ANKRD11: variants seen among roughly 807,000 people sequenced by gnomAD.
ANKRD11 encodes ankyrin repeat domain-containing protein 11.
In ANKRD11, 17 loss-of-function variants were observed where a neutral mutation model predicts 195.7. The ratio of observed to expected loss-of-function variants is 0.09; its 90% CI spans 0.06 to 0.13. The LOEUF (loss-of-function observed/expected upper bound fraction) is 0.13. ANKRD11 is among the 10% of genes least tolerant of loss of function. The pLI is 1.00. For missense variants in ANKRD11, 3,735 were observed against 3,566.1 expected, an observed-to-expected ratio of 1.05 and a Z score of -1.21; for synonymous variants, 1,953 against 1,528.1, an observed-to-expected ratio of 1.28 and a Z score of -6.49.
intron 2 of ANKRD11, among the ~76,000 whole-genome samples, chr16:89,369,202 A>G (rs2040084685): frequency 6.6e-6 from 1 of 152,200 alleles, no homozygotes; most frequent in African/African-American, 2.4e-5. Flanking sequence ...AATATGAAAC[A>G]ATAATCTTCA....
intron 2 of ANKRD11, among the ~76,000 whole-genome samples, chr16:89,385,966 GA>G (rs2040891300): frequency 2.0e-5 from 3 of 152,214 alleles, no homozygotes; most frequent in African/African-American, 7.2e-5. Flanking sequence ...CAGCAGTCCA[GA>G]ACTCCCTGGC....
chr16:89,271,421 G>C, intron 11 of ANKRD11: 1 of 228,652 alleles, frequency 4.4e-6, no homozygotes, highest in South Asian at 5.6e-5. Context: ...TTTTAGTAGA[G>C]ACGGGGTTTC....
intron 1 of ANKRD11, among the ~76,000 whole-genome samples, chr16:89,447,061 C>T (rs769322179): frequency 6.6e-6 from 1 of 152,106 alleles, no homozygotes; most frequent in Non-Finnish European, 1.5e-5. Context: ...CCCCACCCTA[C>T]GAAGACACTG....
Position 89,351,277 on chromosome 16 carries a change from C to A in ANKRD11, c.-59-34199G>T, listed in dbSNP as rs151315024. On this transcript the variant is annotated intron_variant, in intron 2 of 12. Transcript: ENST00000301030. ...ATGCCCATCACCCCACGCCCACAGG[C>A]CGCCAAACACATCTGGAAAAGCAGA... 2.3e-3 allele frequency among the ~76,000 whole-genome samples: 357 copies of A among 152,252 alleles called. 1 individual carries two copies. Among genetic ancestry groups the A allele is most frequent in the African/African-American group, 7.8e-3 (324 of 41,540 alleles).
chr16:89,357,621 C>T (rs748078834), intron 2 of ANKRD11, among the ~76,000 whole-genome samples: 31 of 152,292 alleles, frequency 2.0e-4, no homozygotes, highest in Non-Finnish European at 4.0e-4. Context: ...CCGAGTGTCC[C>T]CTGGCGGATG....
At chr16:89,357,081 C>A (rs1047500974) in intron 2 of ANKRD11, among the ~76,000 whole-genome samples, 4 of 152,140 alleles carry the variant, frequency 2.6e-5, no homozygotes, top group African/African-American at 9.7e-5. Flanking sequence ...AGCCAAAGGG[C>A]AGTGGTGGGG....
chr16:89,281,159 T>C lies in ANKRD11; in HGVS notation c.5383A>G (p.Ile1795Val). ...TNLYRSVSVD[I>V]RRTPEEEFSV... ...AATTCTTCCTCGGGGGTCCTCCTAATGTCGACAGAGACCGAGCGGTAAAGG... is the reference window on the plus strand; with the variant it reads ...AATTCTTCCTCGGGGGTCCTCCTAACGTCGACAGAGACCGAGCGGTAAAGG... Residue 1795 changes from isoleucine (I) to valine (V), a missense_variant, in exon 9 of 13, where the codon ATT (isoleucine) becomes GTT (valine). Ile to Val is a conservative substitution (Grantham distance 29, BLOSUM62 3). Coordinates refer to ENST00000301030, the MANE Select transcript of ANKRD11 (RefSeq NM_013275.6). The surrounding 1 kb of genome is among the most constrained non-coding windows in gnomAD (Gnocchi z 5.5). 6.2e-7 allele frequency: 1 copy of C among 1,614,088 alleles called. No individual in the cohort carries two copies. The highest frequency in any genetic ancestry group is 8.5e-7 in the Non-Finnish European group (1 of 1,179,990).
chr16:89,415,261 C>CTTTTT (rs34004237), intron 2 of ANKRD11, among the ~76,000 whole-genome samples: 5 of 84,536 alleles, frequency 5.9e-5, no homozygotes, highest in African/African-American at 1.0e-4. Context: ...GCCAGCTATT[C>CTTTTT]TTTTTTTTTT....
chr16:89,322,542 G>A (rs2037392570), intron 2 of ANKRD11, among the ~76,000 whole-genome samples: 1 of 152,236 alleles, frequency 6.6e-6, no homozygotes. Context: ...CAGCAGGGTG[G>A]AAAAGGGGAG....
chr16:89,332,194 C>T (rs937628333), intron 2 of ANKRD11, among the ~76,000 whole-genome samples: 3 of 152,104 alleles, frequency 2.0e-5, no homozygotes, highest in Non-Finnish European at 4.4e-5. Flanking sequence ...ACAGAAATGA[C>T]TTCCTTACGT....
At chr16:89,319,939 T>A (rs2037202387) in intron 2 of ANKRD11, 1 of 152,454 alleles carries the variant, frequency 6.6e-6, no homozygotes, top group South Asian at 2.1e-4. Context: ...CACTGCCCTG[T>A]GTTCCCTCCA....
In ANKRD11 at chr16:89,280,779, G is replaced by A. The variant is rs201174017; in HGVS notation, c.5763C>T (p.Ala1921=). The A allele has an allele frequency of 4.7e-5, 75 of 1,611,438 alleles. No homozygotes were observed. The highest frequency in any genetic ancestry group is 1.6e-4 in the Middle Eastern group (1 of 6,064). Residue 1921 remains alanine, a synonymous_variant, in exon 9 of 13, where the codon GCC becomes GCT. Coordinates refer to ENST00000301030, the MANE Select transcript of ANKRD11 (RefSeq NM_013275.6). ...AGCTGGGCTCCGGGGGGATGATGGC[G>A]GCCGTCGCCTGCTGGTCCTCGGAGG... ...LDTSEDQQAT[A]AIIPPEPSYL...
intron 1 of ANKRD11, chr16:89,489,174 T>A (rs946929112): frequency 6.6e-6 from 1 of 151,878 alleles, no homozygotes; most frequent in African/African-American, 2.4e-5. Flanking sequence ...AATCCCTCTT[T>A]GAGAGGGGAC....
At chr16:89,428,755 A>G (rs1366481592) in intron 1 of ANKRD11, among the ~76,000 whole-genome samples, 5 of 148,434 alleles carry the variant, frequency 3.4e-5, no homozygotes, top group East Asian at 2.1e-4. Flanking sequence ...TTAGCCAGGC[A>G]TGGTGGCAGG....
At chr16:89,293,516 A>C (rs373957803) in intron 4 of ANKRD11, among the ~76,000 whole-genome samples, 2 of 125,110 alleles carry the variant, frequency 1.6e-5, no homozygotes, top group African/African-American at 6.2e-5. Context: ...CTGCAGAGCG[A>C]GGAGGCGGGG....
intron 1 of ANKRD11, among the ~76,000 whole-genome samples, chr16:89,468,726 GC>G (rs1167166205): frequency 1.3e-5 from 2 of 152,018 alleles, no homozygotes; most frequent in African/African-American, 4.8e-5. Context: ...GAAGGACGAA[GC>G]AAAAGTGAAG....
At chr16:89,317,203 GC>G (rs1257341398) in intron 2 of ANKRD11, 125 bp from the exon 3 acceptor site, 1 of 744,226 alleles carries the variant, frequency 1.3e-6, no homozygotes, top group East Asian at 2.7e-5. Flanking sequence ...CAGGGCTGGG[GC>G]CCGGGCCAGG....
intron 1 of ANKRD11, among the ~76,000 whole-genome samples, chr16:89,422,883 T>TC (rs2042571324): frequency 6.6e-6 from 1 of 152,232 alleles, no homozygotes; most frequent in Non-Finnish European, 1.5e-5. Flanking sequence ...TTTTTTCTTT[T>TC]TTTCTTTCTT....
intron 3 of ANKRD11, among the ~76,000 whole-genome samples, chr16:89,314,125 G>A (rs1242808226): frequency 6.6e-6 from 1 of 152,172 alleles, no homozygotes; most frequent in Non-Finnish European, 1.5e-5. Context: ...AAGGGAGGCT[G>A]AAGTAGGAGG....
Sources: gnomAD v4.1 joint callset for allele counts (sites outside exome capture counted in the v4.1 genomes callset) on GRCh38, gnomAD v4.1.1 for gene constraint, Gnocchi (gnomAD v3.1) non-coding constraint, MANE v1.5 for transcripts, NCBI Gene and HGNC (gene_info 2026-07-23, HGNC 2026-07-21) for gene names.